KIF26B: variants seen among roughly 807,000 people sequenced by gnomAD.
The protein encoded by KIF26B is kinesin-like protein KIF26B.
KIF26B carries 63 observed loss-of-function variants against 151.2 expected under a neutral mutation model. The observed-to-expected ratio is 0.42, with a 90% CI of 0.34 to 0.51. KIF26B has a LOEUF of 0.51. KIF26B is among the 20% of genes least tolerant of loss of function. KIF26B has a pLI of 0.07. For missense variants in KIF26B, 2,813 were observed against 2,913.6 expected, an observed-to-expected ratio of 0.97 and a Z score of 0.79; for synonymous variants, 1,357 against 1,262.1, an observed-to-expected ratio of 1.08 and a Z score of -1.59.
At chr1:245,299,937 C>T (rs969578769) in intron 2 of KIF26B, among the ~76,000 whole-genome samples, 2 of 152,188 alleles carry the variant, frequency 1.3e-5, no homozygotes, top group Non-Finnish European at 2.9e-5. Context: ...CGAGGAGAGG[C>T]TGAGAGCTTC....
At chr1:245,598,064 T>C (rs773056953) in intron 5 of KIF26B, among the ~76,000 whole-genome samples, 4 of 152,116 alleles carry the variant, frequency 2.6e-5, no homozygotes, top group Admixed American at 6.5e-5. Flanking sequence ...TTCCTTGTAT[T>C]GGGTTAGAGC....
rs138948642 is a variant in KIF26B at position 245,350,021 on chromosome 1, C to T, written c.466-16813C>T. Reference sequence around the variant, plus strand: ...CCTCCTGACCACATCATTGGGAGTACAAAAAAGTGCAGAGAGTATATATAT... The same window carrying T: ...CCTCCTGACCACATCATTGGGAGTATAAAAAAGTGCAGAGAGTATATATAT... On this transcript the variant is annotated intron_variant, in intron 2 of 14. Coordinates refer to ENST00000407071, the MANE Select transcript of KIF26B (RefSeq NM_018012.4). Among the ~76,000 whole-genome samples, 228 of 151,820 alleles carry T rather than the reference C, an allele frequency of 1.5e-3. 2 individuals are homozygous for T. The East Asian group carries it at 0.026, about 17-fold the overall frequency.
At chr1:245,184,146 A>G (rs944653490) in intron 2 of KIF26B, among the ~76,000 whole-genome samples, 1 of 145,138 alleles carries the variant, frequency 6.9e-6, no homozygotes, top group African/African-American at 2.5e-5. Context: ...AGTGGGGGGA[A>G]GTGAGATGCT....
chr1:245,694,795 C>T (rs935199428), intron 12 of KIF26B, among the ~76,000 whole-genome samples: 1 of 152,230 alleles, frequency 6.6e-6, no homozygotes. Context: ...TTTCTCAGGT[C>T]AAATCTGGGC....
Position 245,688,488 on chromosome 1 carries a change from C to T in KIF26B, c.5505C>T (p.Ala1835=), listed in dbSNP as rs991277900. The change falls in exon 12 of 15, where the codon GCC becomes GCT. Residue 1835 remains alanine, a synonymous_variant. Coordinates refer to ENST00000407071, the MANE Select transcript of KIF26B (RefSeq NM_018012.4). ...AGPEAEARGG[A]LAEDEPAAAH... is the part of the protein sequence containing the mutation. ...CCGAGGCGGAGGCGCGCGGGGGGGC[C>T]CTGGCCGAGGACGAGCCCGCGGCCG... The T allele has an allele frequency of 4.2e-5, 60 of 1,437,348 alleles. No homozygotes were observed. Among genetic ancestry groups the T allele is most frequent in the Middle Eastern group, 4.8e-4 (2 of 4,176 alleles). The allele number at this position is 1,437,348 out of a possible 1,614,324, so 89.0% of individuals were successfully genotyped here. A position where few individuals can be genotyped will look rare whatever the true frequency, so the allele number is the denominator to read the frequency against.
At chr1:245,439,996 C>T (rs1383585640) in intron 4 of KIF26B, among the ~76,000 whole-genome samples, 2 of 152,110 alleles carry the variant, frequency 1.3e-5, no homozygotes, top group African/African-American at 2.4e-5. Context: ...CCGAGGCGGG[C>T]AGATCACGAG....
chr1:245,576,396 G>A (rs75570944), intron 5 of KIF26B, among the ~76,000 whole-genome samples: 13,752 of 152,204 alleles, frequency 0.09, 750 homozygotes, highest in Middle Eastern at 0.16. Flanking sequence ...GCTATCAGTT[G>A]TGTTTGTGGA....
At chr1:245,640,005 G>A (rs764305773) in intron 9 of KIF26B, among the ~76,000 whole-genome samples, 11 of 150,408 alleles carry the variant, frequency 7.3e-5, no homozygotes, top group Non-Finnish European at 1.3e-4. Flanking sequence ...TAATTCTGAG[G>A]TTTCTTTGTT....
chr1:245,602,785 T>C lies in KIF26B; in HGVS notation c.1557+2T>C. 6.2e-7 allele frequency: 1 copy of C among 1,612,812 alleles called. No homozygotes were observed. The highest frequency in any genetic ancestry group is 8.5e-7 in the Non-Finnish European group (1 of 1,179,710). ...GTTTTTCCACAAGACGCTTCTCAGG[T>C]GGGTATCAGCCCCCTCTCAGGCTCA... On this transcript the variant is annotated splice_donor_variant, in intron 6 of 14. Coordinates refer to ENST00000407071, the MANE Select transcript of KIF26B (RefSeq NM_018012.4). LOFTEE classifies it high-confidence loss of function. This position sits in a 1 kb window ranked among gnomAD's most constrained non-coding sequence, Gnocchi z 4.5.
intron 5 of KIF26B, among the ~76,000 whole-genome samples, chr1:245,545,353 C>T (rs926764890): frequency 1.3e-5 from 2 of 152,272 alleles, no homozygotes; most frequent in African/African-American, 2.4e-5. Flanking sequence ...CTGCCCACCT[C>T]GGCCTCCCAA....
chr1:245,199,136 G>A (rs903172985), intron 2 of KIF26B, among the ~76,000 whole-genome samples: 3 of 152,054 alleles, frequency 2.0e-5, no homozygotes, highest in African/African-American at 4.8e-5. Flanking sequence ...AAGGCAAGAC[G>A]CAGGTCTCCT....
intron 4 of KIF26B, among the ~76,000 whole-genome samples, chr1:245,465,900 A>G (rs2103060768): frequency 6.6e-6 from 1 of 152,256 alleles, no homozygotes; most frequent in Non-Finnish European, 1.5e-5. Context: ...GCGCTCTCCA[A>G]GGGCTGAGCC....
At chr1:245,258,045 G>C (rs1292635105) in intron 2 of KIF26B, among the ~76,000 whole-genome samples, 3 of 152,004 alleles carry the variant, frequency 2.0e-5, no homozygotes, top group Non-Finnish European at 2.9e-5. Flanking sequence ...TTGCTCAGAA[G>C]CTTCTCGATC....
intron 2 of KIF26B, among the ~76,000 whole-genome samples, chr1:245,293,791 TG>T (rs1326667038): frequency 6.6e-6 from 1 of 152,180 alleles, no homozygotes; most frequent in African/African-American, 2.4e-5. Flanking sequence ...TTGGTCAAGC[TG>T]GTCTTGAACT....
rs1028887646 is a variant in KIF26B at position 245,292,267 on chromosome 1, G to T, written c.466-74567G>T. Among the ~76,000 whole-genome samples the T allele has an allele frequency of 6.6e-5, 10 of 152,162 alleles. No individual in the cohort carries two copies. The South Asian group carries it at 1.2e-3, about 19-fold the overall frequency. ...TCGAAACCCTCTGAGCTCTGTTCCA[G>T]ACTGTCCTCTCAGCCTTGAGTGCAC... is the stretch of plus-strand genomic sequence containing the variant. On this transcript the variant is annotated intron_variant, in intron 2 of 14. Transcript: ENST00000407071.
At position 245,611,906 on chromosome 1, in the gene KIF26B, C is replaced by T. The variant is rs751134332; in HGVS notation, c.2028C>T (p.His676=). 2 of 1,613,882 alleles carry T rather than the reference C, an allele frequency of 1.2e-6. No homozygotes were observed. Among genetic ancestry groups the T allele is most frequent in the African/African-American group, 1.3e-5 (1 of 75,028 alleles). The change falls in exon 9 of 15, where the codon CAC becomes CAT. Residue 676 remains histidine, a synonymous_variant. Coordinates refer to ENST00000407071, the MANE Select transcript of KIF26B (RefSeq NM_018012.4). ...SHQQDCDEDD[H]RNSHVFFTLH... ...AACAGGACTGTGATGAGGACGACCACCGCAACTCACACGTGTTCTTCACAC... is the reference window on the plus strand; with the variant it reads ...AACAGGACTGTGATGAGGACGACCATCGCAACTCACACGTGTTCTTCACAC...
chr1:245,468,814 C>T (rs887184399), intron 4 of KIF26B, among the ~76,000 whole-genome samples: 5 of 152,252 alleles, frequency 3.3e-5, no homozygotes, highest in Admixed American at 6.5e-5. Flanking sequence ...CTTTCCCCCT[C>T]GCTATGCTCT....
chr1:245,550,965 C>T lies in KIF26B; in HGVS notation c.1350+10015C>T, dbSNP rs1304219526. Among the ~76,000 whole-genome samples the T allele has an allele frequency of 2.0e-5, 3 of 152,186 alleles. No individual in the cohort carries two copies. The East Asian group carries it at 5.8e-4, about 29-fold the overall frequency. ...AGTTTGGGAAGCAGGACAAAGGGCCCTGGGGAATGCCTTAGCCCATGATGA... is the reference window on the plus strand; with the variant it reads ...AGTTTGGGAAGCAGGACAAAGGGCCTTGGGGAATGCCTTAGCCCATGATGA... On this transcript the variant is annotated intron_variant, in intron 5 of 14. Coordinates refer to ENST00000407071, the MANE Select transcript of KIF26B (RefSeq NM_018012.4).
Position 245,706,219 on chromosome 1 carries a change from T to C in KIF26B, c.*3613T>C, listed in dbSNP as rs930081361. On this transcript the variant is annotated 3_prime_UTR_variant, in exon 15 of 15. Coordinates refer to ENST00000407071, the MANE Select transcript of KIF26B (RefSeq NM_018012.4). ...TCCAGGGTGGAGGTTCAAAAAGTCTTATACGCACCTACAAGTCTCACGCTT... is the reference window on the plus strand; with the variant it reads ...TCCAGGGTGGAGGTTCAAAAAGTCTCATACGCACCTACAAGTCTCACGCTT... 1 of 152,196 alleles carries C rather than the reference T, an allele frequency of 6.6e-6. No individual in the cohort carries two copies. The highest frequency in any genetic ancestry group is 2.4e-5 in the African/African-American group (1 of 41,444). The allele number at this position is 152,196 out of a possible 1,614,324, so 9.4% of individuals were successfully genotyped here. A position where few individuals can be genotyped will look rare whatever the true frequency, so the allele number is the denominator to read the frequency against.
Sources: allele counts gnomAD v4.1 joint callset (sites outside exome capture counted in the v4.1 genomes callset), GRCh38; gene constraint gnomAD v4.1.1; non-coding constraint Gnocchi (gnomAD v3.1); transcripts MANE v1.5; gene names NCBI Gene and HGNC (gene_info 2026-07-23, HGNC 2026-07-21).